Variants in CD58 observed in about 807,000 individuals in gnomAD.
CD58 encodes lymphocyte function-associated antigen 3.
CD58 carries 14 observed loss-of-function variants against 27.6 expected under a neutral mutation model. That is an observed-to-expected ratio of 0.51 (90% CI 0.34 to 0.79). The LOEUF is 0.79. Ranked by LOEUF, CD58 falls within the 30% of genes least tolerant of loss-of-function variation. CD58 has a pLI of 0.02. For synonymous variants in CD58, 117 were observed against 103.8 expected (o/e 1.13, Z -0.77); for missense variants, 268 against 301.7 (o/e 0.89, Z 0.83).
chr1:116,538,334 C>A lies in CD58; in HGVS notation c.365-2106G>T, dbSNP rs1008543692. Among the ~76,000 whole-genome samples the A allele has an allele frequency of 2.1e-4, 32 of 152,194 alleles. No homozygotes were observed. The highest frequency in any genetic ancestry group is 7.7e-4 in the African/African-American group (32 of 41,456). On this transcript the variant is annotated intron_variant, in intron 2 of 5. Transcript: ENST00000369489. The surrounding 1 kb of genome is among the most constrained non-coding windows in gnomAD (Gnocchi z 4.7). The stretch of plus-strand genomic sequence containing the variant: ...CCCTGCTCTCCTAACTTCCTCTGGT[C>A]CCTTTTGCCCACCCCACCCCATAGC...
At chr1:116,560,452 T>C (rs1658717859) in intron 1 of CD58, among the ~76,000 whole-genome samples, 1 of 152,230 alleles carries the variant, frequency 6.6e-6, no homozygotes, top group African/African-American at 2.4e-5. Flanking sequence ...CCTTGTTATT[T>C]TCTAGATACT....
intron 1 of CD58, among the ~76,000 whole-genome samples, chr1:116,565,931 A>C (rs1658915123): frequency 6.6e-6 from 1 of 152,064 alleles, no homozygotes; most frequent in East Asian, 1.9e-4. Context: ...GTTAGCCAGG[A>C]TGGTCTCAAT....
intron 1 of CD58, among the ~76,000 whole-genome samples, chr1:116,549,762 C>A (rs1316968813): frequency 6.6e-6 from 1 of 152,116 alleles, no homozygotes; most frequent in African/African-American, 2.4e-5. Context: ...ATACATCTTT[C>A]AATATTTTTC....
At position 116,521,616 on chromosome 1, in the gene CD58, C is replaced by A. The variant is rs1657263805; in HGVS notation, c.706+290G>T. 6.6e-6 allele frequency among the ~76,000 whole-genome samples: 1 copy of A among 152,120 alleles called. No individual in the cohort carries two copies. Among genetic ancestry groups the A allele is most frequent in the Admixed American group, 6.5e-5 (1 of 15,268 alleles). On this transcript the variant is annotated intron_variant, in intron 4 of 5. Coordinates refer to ENST00000369489, the MANE Select transcript of CD58 (RefSeq NM_001779.3). This position sits in a 1 kb window ranked among gnomAD's most constrained non-coding sequence, Gnocchi z 5.6. ...TCTGACTTGGAGACCAGAAGTTTAACTATATTTTGAAGCAGATCACAGGTA... is the reference window on the plus strand; with the variant it reads ...TCTGACTTGGAGACCAGAAGTTTAAATATATTTTGAAGCAGATCACAGGTA...
At chr1:116,545,915 G>C (rs778524124) in intron 1 of CD58, among the ~76,000 whole-genome samples, 1 of 152,204 alleles carries the variant, frequency 6.6e-6, no homozygotes, top group Non-Finnish European at 1.5e-5. Flanking sequence ...TGTGGTTCAT[G>C]CCTGTAAGTC....
intron 4 of CD58, among the ~76,000 whole-genome samples, chr1:116,520,019 G>A (rs1388631447): frequency 6.6e-6 from 1 of 152,212 alleles, no homozygotes; most frequent in East Asian, 1.9e-4. Context: ...AGCTGGAGCT[G>A]TTTCCATTCA....
chr1:116,571,001 G>T lies in CD58; in HGVS notation c.-29C>A, dbSNP rs375979443. On this transcript the variant is annotated 5_prime_UTR_variant, in exon 1 of 6. Transcript: ENST00000369489. ...TCGTCGGGCCGGCCTCTGCGCGAGT[G>T]CCCAGCCACAAGCAGCCCTAAGTTC... is the stretch of plus-strand genomic sequence containing the variant. The T allele has an allele frequency of 1.3e-4, 194 of 1,526,718 alleles. No individual in the cohort carries two copies. Among genetic ancestry groups the T allele is most frequent in the Admixed American group, 2.2e-4 (11 of 50,170 alleles). The allele number at this position is 1,526,718 out of a possible 1,614,324, so 94.6% of individuals were successfully genotyped here.
At position 116,547,446 on chromosome 1, in the gene CD58, C is replaced by T. The variant is rs111246021; in HGVS notation, c.71-2842G>A. On this transcript the variant is annotated intron_variant, in intron 1 of 5. Coordinates refer to ENST00000369489, the MANE Select transcript of CD58 (RefSeq NM_001779.3). ...GCTCACGCCATTCTCCTGCCTCAGC[C>T]TCCTGAGTAGCTGGGACTACAGGCG... 8.2e-3 allele frequency among the ~76,000 whole-genome samples: 1,247 copies of T among 151,990 alleles called. 5 individuals carry two copies. Among genetic ancestry groups the T allele is most frequent in the Non-Finnish European group, 0.013 (878 of 67,944 alleles).
intron 2 of CD58, among the ~76,000 whole-genome samples, chr1:116,543,167 G>A (rs1658046455): frequency 6.6e-6 from 1 of 152,152 alleles, no homozygotes; most frequent in Non-Finnish European, 1.5e-5. Context: ...CAGCAAAGGA[G>A]CAAGGAAGCT....
chr1:116,545,984 C>G (rs184325418), intron 1 of CD58, among the ~76,000 whole-genome samples: 19 of 152,198 alleles, frequency 1.2e-4, no homozygotes, highest in Non-Finnish European at 2.8e-4. Context: ...CAAGACCAAC[C>G]TGGGTAAAAT....
intron 2 of CD58, among the ~76,000 whole-genome samples, chr1:116,539,153 C>A (rs890965052): frequency 6.6e-6 from 1 of 152,214 alleles, no homozygotes; most frequent in Admixed American, 6.5e-5. Flanking sequence ...AGTGCCTGCA[C>A]AGAGTAAGTA....
chr1:116,554,257 G>A (rs1255068061), intron 1 of CD58, among the ~76,000 whole-genome samples: 1 of 152,000 alleles, frequency 6.6e-6, no homozygotes, highest in Non-Finnish European at 1.5e-5. Flanking sequence ...TTAGTATTAT[G>A]CCATGGCTTA....
At chr1:116,518,256 A>C (rs1291350575) in intron 5 of CD58, among the ~76,000 whole-genome samples, 1 of 151,690 alleles carries the variant, frequency 6.6e-6, no homozygotes, top group East Asian at 1.9e-4. Flanking sequence ...TGCTAACAGG[A>C]CCTCTGCTGT....
chr1:116,520,785 C>G (rs780689556), intron 4 of CD58, among the ~76,000 whole-genome samples: 48 of 152,244 alleles, frequency 3.2e-4, no homozygotes, highest in Non-Finnish European at 5.7e-4. Context: ...TTCAGCTGAT[C>G]GTTATAATAC....
chr1:116,562,173 C>T (rs1027498907), intron 1 of CD58, among the ~76,000 whole-genome samples: 1 of 151,534 alleles, frequency 6.6e-6, no homozygotes, highest in Non-Finnish European at 1.5e-5. Flanking sequence ...TAAAAAAAAA[C>T]AGATCAATAT....
chr1:116,529,711 T>A (rs1367997100), intron 3 of CD58, among the ~76,000 whole-genome samples: 1 of 152,236 alleles, frequency 6.6e-6, no homozygotes, highest in Non-Finnish European at 1.5e-5. Flanking sequence ...TACAGGAGTT[T>A]GTTGTGGAGC....
At chr1:116,565,722 T>A (rs1397661057) in intron 1 of CD58, among the ~76,000 whole-genome samples, 2 of 150,494 alleles carry the variant, frequency 1.3e-5, no homozygotes, top group African/African-American at 4.9e-5. Context: ...TTGTTTTGTT[T>A]TTTTGTTTTT....
At chr1:116,558,662 G>A (rs1487111266) in intron 1 of CD58, among the ~76,000 whole-genome samples, 1 of 152,196 alleles carries the variant, frequency 6.6e-6, no homozygotes, top group East Asian at 1.9e-4. Flanking sequence ...GAGTAGCACT[G>A]TTTGTTTTAA....
chr1:116,568,718 G>A (rs993298822), intron 1 of CD58, among the ~76,000 whole-genome samples: 4 of 152,206 alleles, frequency 2.6e-5, no homozygotes, highest in Non-Finnish European at 5.9e-5. Flanking sequence ...TATGAAGTGG[G>A]TTTATTATTC....
Sources: allele counts gnomAD v4.1 joint callset (sites outside exome capture counted in the v4.1 genomes callset), GRCh38; gene constraint gnomAD v4.1.1; non-coding constraint Gnocchi (gnomAD v3.1); transcripts MANE v1.5; gene names NCBI Gene and HGNC (gene_info 2026-07-23, HGNC 2026-07-21).